NRG1: variants seen among roughly 807,000 people sequenced by gnomAD.
NRG1 encodes neuregulin 1, also known as pro-neuregulin-1, membrane-bound isoform.
A neutral mutation model predicts 63.8 loss-of-function variants in NRG1; 18 were observed. That is an observed-to-expected ratio of 0.28 (90% CI 0.19 to 0.42). The LOEUF (loss-of-function observed/expected upper bound fraction) is 0.42. NRG1 is among the 10% of genes least tolerant of loss of function. The pLI, the probability that NRG1 is intolerant of heterozygous loss-of-function variation, is 1.00. For missense variants in NRG1, 762 were observed against 814.7 expected (o/e 0.94, Z 0.79); for synonymous variants, 302 against 301.3 (o/e 1.00, Z -0.02).
rs550795809 is a variant in NRG1, at chr8:32,570,615, T to C, written c.100+21789T>C. On this transcript the variant is annotated intron_variant, in intron 1 of 11. Coordinates refer to ENST00000356819, the Ensembl canonical transcript of NRG1. ...CACTCTATCATTAAGCTTGTTAAGA[T>C]GAATAAAAATCAGAATATTTTCAAA... Among the ~76,000 whole-genome samples, 11 of 152,278 alleles carry C rather than the reference T, an allele frequency of 7.2e-5. No homozygotes were observed. In the South Asian group the frequency reaches 1.0e-3, roughly 14 times the overall value.
intron 1 of NRG1, among the ~76,000 whole-genome samples, chr8:31,669,626 C>T (rs964944331): frequency 6.6e-6 from 1 of 152,296 alleles, no homozygotes; most frequent in East Asian, 1.9e-4. Flanking sequence ...GTCTCAGTCT[C>T]CCATGTGGAC....
At chr8:31,889,773 GGCGAC>G in intron 1 of NRG1, among the ~76,000 whole-genome samples, 1 of 152,298 alleles carries the variant, frequency 6.6e-6, no homozygotes, top group African/African-American at 2.4e-5. Flanking sequence ...TGTGTGGGCT[GGCGAC>G]CAAGTGCAGC....
chr8:32,620,674 A>G (rs1290409668), intron 5 of NRG1, among the ~76,000 whole-genome samples: 4 of 151,902 alleles, frequency 2.6e-5, no homozygotes, highest in Non-Finnish European at 1.5e-5. Flanking sequence ...AAATAAAGAA[A>G]TTAGCCAGGC....
chr8:32,079,303 A>G (rs1586947021), intron 1 of NRG1, among the ~76,000 whole-genome samples: 2 of 152,202 alleles, frequency 1.3e-5, no homozygotes, highest in South Asian at 2.1e-4. Flanking sequence ...TAAAGCAGAT[A>G]TTATAATTAT....
At chr8:32,167,017 G>T (rs1839474191) in intron 1 of NRG1, among the ~76,000 whole-genome samples, 1 of 152,134 alleles carries the variant, frequency 6.6e-6, no homozygotes, top group Non-Finnish European at 1.5e-5. Flanking sequence ...CAGCCCAGGA[G>T]GTATGTAAAA....
intron 1 of NRG1, among the ~76,000 whole-genome samples, chr8:31,937,156 C>T (rs987955818): frequency 2.0e-5 from 3 of 152,124 alleles, no homozygotes; most frequent in Admixed American, 6.5e-5. Context: ...GACTGAACTG[C>T]ACCATTTGTC....
At chr8:31,697,086 C>T (rs950348868) in intron 1 of NRG1, among the ~76,000 whole-genome samples, 1 of 152,026 alleles carries the variant, frequency 6.6e-6, no homozygotes, top group Non-Finnish European at 1.5e-5. Flanking sequence ...GTGAAGTTTT[C>T]TTTTTCTGGA....
At chr8:32,283,398 G>T (rs1383982092) in intron 1 of NRG1, among the ~76,000 whole-genome samples, 1 of 152,126 alleles carries the variant, frequency 6.6e-6, no homozygotes, top group Non-Finnish European at 1.5e-5. Flanking sequence ...CACACCACTT[G>T]TCACCTGGGG....
intron 2 of NRG1, among the ~76,000 whole-genome samples, chr8:32,597,262 A>T (rs1171123834): frequency 1.3e-5 from 2 of 152,198 alleles, no homozygotes; most frequent in Non-Finnish European, 2.9e-5. Flanking sequence ...TAGGACATTA[A>T]CCAGAAAGTT....
intron 1 of NRG1, among the ~76,000 whole-genome samples, chr8:32,180,561 G>T (rs1478166007): frequency 6.6e-6 from 1 of 151,842 alleles, no homozygotes; most frequent in Non-Finnish European, 1.5e-5. Flanking sequence ...TATGTCTGTG[G>T]TTTCTATTGG....
intron 1 of NRG1, among the ~76,000 whole-genome samples, chr8:31,684,568 A>G (rs1389632603): frequency 6.6e-6 from 1 of 152,214 alleles, no homozygotes; most frequent in African/African-American, 2.4e-5. Context: ...GGGACTCAGC[A>G]GTTTATTTTA....
chr8:32,706,826 A>C (rs1262934116), intron 5 of NRG1, among the ~76,000 whole-genome samples: 1 of 152,016 alleles, frequency 6.6e-6, no homozygotes, highest in Non-Finnish European at 1.5e-5. Context: ...GTATACTTTG[A>C]CTCTGTTGGT....
At chr8:32,660,085 A>G (rs189798352) in intron 5 of NRG1, among the ~76,000 whole-genome samples, 50 of 152,356 alleles carry the variant, frequency 3.3e-4, no homozygotes, top group African/African-American at 1.1e-3. Context: ...AGTACCAAAC[A>G]GTGTACAGGT....
chr8:32,472,799 C>A (rs1053543820), intron 1 of NRG1, among the ~76,000 whole-genome samples: 4 of 152,200 alleles, frequency 2.6e-5, no homozygotes, highest in Non-Finnish European at 5.9e-5. Context: ...CCACCTCCCC[C>A]ATAACACTGT....
At chr8:31,776,443 A>C (rs192450940) in intron 1 of NRG1, among the ~76,000 whole-genome samples, 2 of 152,308 alleles carry the variant, frequency 1.3e-5, no homozygotes, top group African/African-American at 4.8e-5. Flanking sequence ...AACTTGAGCA[A>C]GTATTAGAAT....
At chr8:32,103,270 A>C (rs1830805613) in intron 1 of NRG1, among the ~76,000 whole-genome samples, 1 of 152,182 alleles carries the variant, frequency 6.6e-6, no homozygotes, top group Non-Finnish European at 1.5e-5. Context: ...TCAGTAAATG[A>C]GTAAGAATAC....
chr8:31,845,768 A>G (rs998200867), intron 1 of NRG1, among the ~76,000 whole-genome samples: 2 of 152,210 alleles, frequency 1.3e-5, no homozygotes, highest in Admixed American at 1.3e-4. Context: ...GCTGATATTC[A>G]TGAAGCAGAA....
chr8:31,766,861 A>G (rs1311354424), intron 1 of NRG1, among the ~76,000 whole-genome samples: 1 of 152,246 alleles, frequency 6.6e-6, no homozygotes, highest in Non-Finnish European at 1.5e-5. Context: ...TCCTTGGAGC[A>G]GAACGTGACA....
rs559369296 is a variant in NRG1 at position 32,167,990 on chromosome 8, T to A, written c.38-427838T>A. On this transcript the variant is annotated intron_variant, in intron 1 of 10. Transcript: ENST00000519301. Reference sequence around the variant, plus strand: ...TCTCCAAACATGCATTTTGATATACTTTGGGAGTTCTCTTTATCTAGTAAT... The same window carrying A: ...TCTCCAAACATGCATTTTGATATACATTGGGAGTTCTCTTTATCTAGTAAT... Among the ~76,000 whole-genome samples the A allele has an allele frequency of 2.6e-5, 4 of 152,284 alleles. No homozygotes were observed. The East Asian group carries it at 7.7e-4, about 29-fold the overall frequency.
Sources: gnomAD v4.1 joint callset for allele counts (sites outside exome capture counted in the v4.1 genomes callset) on GRCh38, gnomAD v4.1.1 for gene constraint, MANE v1.5 for transcripts, NCBI Gene and HGNC (gene_info 2026-07-23, HGNC 2026-07-21) for gene names.